Variants in CLEC5A observed in about 807,000 individuals in gnomAD.
The protein encoded by CLEC5A is C-type lectin domain family 5 member A.
Under a neutral mutation model 24.4 loss-of-function variants are expected in CLEC5A, and 15 were observed. The ratio of observed to expected loss-of-function variants is 0.62; its 90% confidence interval spans 0.41 to 0.95. The LOEUF is 0.95. CLEC5A is among the 40% of genes least tolerant of loss of function. CLEC5A has a pLI of 0.00. For missense variants in CLEC5A, 211 were observed against 224.0 expected (o/e 0.94, Z 0.37); for synonymous variants, 71 against 72.6 (o/e 0.98, Z 0.11).
At chr7:141,937,872 A>T (rs1156266001) in intron 4 of CLEC5A, among the ~76,000 whole-genome samples, 2 of 152,184 alleles carry the variant, frequency 1.3e-5, no homozygotes, top group East Asian at 3.9e-4. Context: ...AAAGAATAAG[A>T]GTCTCTGTCT....
At chr7:141,944,035 G>C (rs782161498) in intron 3 of CLEC5A, 71 bp from the exon 4 acceptor site, 3 of 893,584 alleles carry the variant, frequency 3.4e-6, no homozygotes, top group South Asian at 2.6e-5. Context: ...ATCAGAGTAT[G>C]GGCTGTGTGA....
chr7:141,932,577 A>G (rs149610768), intron 5 of CLEC5A, among the ~76,000 whole-genome samples: 62 of 152,302 alleles, frequency 4.1e-4, no homozygotes, highest in African/African-American at 1.3e-3. Context: ...CCTTTTCTGA[A>G]ATATCTTATT....
At position 141,930,278 on chromosome 7, in the gene CLEC5A, C is replaced by T. The variant is rs1022786813; in HGVS notation, c.453-60G>A. 39 of 1,309,938 alleles carry T rather than the reference C, an allele frequency of 3.0e-5. No individual in the cohort carries two copies. In the East Asian group the frequency reaches 7.7e-4, roughly 26 times the overall value. The allele number at this position is 1,309,938 out of a possible 1,614,324, so 81.1% of individuals were successfully genotyped here. The stretch of plus-strand genomic sequence containing the variant: ...AACAAAAAACAAAGCATGGTGATGG[C>T]CCATCATTTTAGCCCAGCCTCTTCC... On this transcript the variant is annotated intron_variant, in intron 6 of 6. Coordinates refer to ENST00000546910, the MANE Select transcript of CLEC5A (RefSeq NM_013252.3).
intron 4 of CLEC5A, among the ~76,000 whole-genome samples, chr7:141,936,865 G>A (rs1464782903): frequency 6.6e-6 from 1 of 152,020 alleles, no homozygotes; most frequent in African/African-American, 2.4e-5. Flanking sequence ...GCAAGCCACA[G>A]TAGAATAGGG....
chr7:141,934,613 G>C (rs1321872060), intron 5 of CLEC5A, among the ~76,000 whole-genome samples: 1 of 61,786 alleles, frequency 1.6e-5, no homozygotes, highest in Non-Finnish European at 2.9e-5. Context: ...TTTCTTTAAC[G>C]TTTTTTTTTT....
At chr7:141,937,192 A>T (rs1554441208) in intron 4 of CLEC5A, among the ~76,000 whole-genome samples, 3 of 151,866 alleles carry the variant, frequency 2.0e-5, no homozygotes, top group Non-Finnish European at 4.4e-5. Flanking sequence ...TATGTAACAG[A>T]CTGGCCACAG....
chr7:141,931,697 G>A, intron 6 of CLEC5A, 23 bp downstream of exon 6: 2 of 1,304,822 alleles, frequency 1.5e-6, no homozygotes, highest in Middle Eastern at 1.8e-4. Flanking sequence ...AGATCCCCAG[G>A]AAACTGTGGC....
At chr7:141,937,245 G>T (rs1418913521) in intron 4 of CLEC5A, among the ~76,000 whole-genome samples, 3 of 151,976 alleles carry the variant, frequency 2.0e-5, no homozygotes, top group East Asian at 3.9e-4. Context: ...TCTAGGCCTT[G>T]ACTCTTGGAT....
chr7:141,935,111 A>C (rs1182107013), intron 5 of CLEC5A, among the ~76,000 whole-genome samples: 1 of 152,204 alleles, frequency 6.6e-6, no homozygotes, highest in African/African-American at 2.4e-5. Flanking sequence ...AGTTCTTACA[A>C]ATTCTTCTAA....
intron 6 of CLEC5A, 52 bp from the exon 7 acceptor site, chr7:141,930,270 G>C: frequency 2.2e-6 from 3 of 1,361,510 alleles, no homozygotes; most frequent in Non-Finnish European, 3.1e-6. Context: ...AACAAAGCAT[G>C]GTGATGGCCC....
Position 141,946,249 on chromosome 7 carries a change from AG to A in CLEC5A, c.43del (p.Val17LeufsTer4). 1 of 1,572,406 alleles carries A rather than the reference AG, an allele frequency of 6.4e-7. No homozygotes were observed. The highest frequency in any genetic ancestry group is 8.6e-7 in the Non-Finnish European group (1 of 1,157,544). ...AAATAAGGTCATTCCAACAACTTTA[AG>A]CACTACCACAATAAGCCCAGAGATG... is the stretch of plus-strand genomic sequence containing the variant. ...MIISGLIVVV[L>X]KVVGMTLFLL... On this transcript the variant is annotated frameshift_variant, in exon 2 of 7. Transcript: ENST00000546910. LOFTEE classifies it high-confidence loss of function.
At chr7:141,933,612 A>G (rs1042168575) in intron 5 of CLEC5A, among the ~76,000 whole-genome samples, 52 of 95,964 alleles carry the variant, frequency 5.4e-4, no homozygotes, top group Admixed American at 4.6e-3. Flanking sequence ...ATATATATAT[A>G]TATACTTGTT....
chr7:141,945,489 T>C (rs995074995), intron 2 of CLEC5A, 89 bp from the exon 3 acceptor site: 2 of 881,400 alleles, frequency 2.3e-6, no homozygotes, highest in Non-Finnish European at 3.9e-6. Flanking sequence ...GCTGCTAGGG[T>C]ACTGTGACTA....
chr7:141,935,994 G>T (rs782383048), intron 4 of CLEC5A, 44 bp from the exon 5 acceptor site: 5 of 1,558,462 alleles, frequency 3.2e-6, no homozygotes, highest in Non-Finnish European at 3.5e-6. Context: ...ACTGGTTTGG[G>T]TTATGAATCC....
chr7:141,935,402 T>G (rs1332157778), intron 5 of CLEC5A, among the ~76,000 whole-genome samples: 1 of 152,212 alleles, frequency 6.6e-6, no homozygotes, highest in Non-Finnish European at 1.5e-5. Flanking sequence ...ATTTTGTCAG[T>G]TCACGTCTTC....
At chr7:141,940,742 G>T (rs1554441559) in intron 4 of CLEC5A, among the ~76,000 whole-genome samples, 1 of 150,190 alleles carries the variant, frequency 6.7e-6, no homozygotes, top group African/African-American at 2.4e-5. Context: ...GATGAAATAG[G>T]AGACATTACA....
In CLEC5A at chr7:141,930,018, T is replaced by C; in HGVS notation, c.*86A>G. On this transcript the variant is annotated 3_prime_UTR_variant, in exon 7 of 7. Coordinates refer to ENST00000546910, the MANE Select transcript of CLEC5A (RefSeq NM_013252.3). ...GCAAGGACCGCTACTGGTAGACAGA[T>C]AGGTAAGTAAAAGAATCATTGGCCA... is the stretch of plus-strand genomic sequence containing the variant. The C allele has an allele frequency of 9.8e-7, 1 of 1,016,372 alleles. No homozygotes were observed. The highest frequency in any genetic ancestry group is 1.5e-5 in the South Asian group (1 of 67,792). 63.0% of individuals were successfully genotyped at this position (1,016,372 alleles called of 1,614,324 possible).
intron 5 of CLEC5A, among the ~76,000 whole-genome samples, chr7:141,933,748 C>T (rs990450452): frequency 2.0e-5 from 3 of 151,928 alleles, no homozygotes; most frequent in African/African-American, 7.3e-5. Context: ...ATGGTACAGG[C>T]TCTGGTGCCC....
chr7:141,932,609 C>G (rs1802499534), intron 5 of CLEC5A, among the ~76,000 whole-genome samples: 1 of 152,182 alleles, frequency 6.6e-6, no homozygotes, highest in African/African-American at 2.4e-5. Context: ...TAATTAATTA[C>G]TGAATGTTCT....
Sources: gnomAD v4.1 joint callset for allele counts (sites outside exome capture counted in the v4.1 genomes callset) on GRCh38, gnomAD v4.1.1 for gene constraint, MANE v1.5 for transcripts, NCBI Gene and HGNC (gene_info 2026-07-23, HGNC 2026-07-21) for gene names.